SRD5A1: variants seen among roughly 807,000 people sequenced by gnomAD.
SRD5A1 encodes steroid 5 alpha-reductase 1.
Under a neutral mutation model 28.2 loss-of-function variants are expected in SRD5A1, and 22 were observed. That is an observed-to-expected ratio of 0.78 (90% CI 0.56 to 1.12). The LOEUF is 1.12. SRD5A1 is among the 50% of genes most tolerant of loss of function. The pLI, the probability that SRD5A1 is intolerant of heterozygous loss-of-function variation, is 0.00. For synonymous variants in SRD5A1, 151 were observed against 135.0 expected, an observed-to-expected ratio of 1.12 and a Z score of -0.82; for missense variants, 300 against 346.7, an observed-to-expected ratio of 0.87 and a Z score of 1.07.
In SRD5A1 at chr5:6,663,105, A is replaced by G. The variant is rs1739060773; in HGVS notation, c.713+139A>G. ...TGTGCTTTGGCCAAACAAGTACAAA[A>G]CCAAATAGCTGTAGAATCACCCAGC... On this transcript the variant is annotated intron_variant, in intron 4 of 4. Transcript: ENST00000274192. 4 of 1,044,952 alleles carry G rather than the reference A, an allele frequency of 3.8e-6. No homozygotes were observed. In the Admixed American group the frequency reaches 9.8e-5, roughly 26 times the overall value. The allele number at this position is 1,044,952 out of a possible 1,614,324, so 64.7% of individuals were successfully genotyped here. A position where few individuals can be genotyped will look rare whatever the true frequency, so the allele number is the denominator to read the frequency against.
intron 4 of SRD5A1, among the ~76,000 whole-genome samples, chr5:6,663,552 C>T (rs1311441579): frequency 6.6e-6 from 1 of 152,134 alleles, no homozygotes; most frequent in East Asian, 1.9e-4. Context: ...GCCATTTGAC[C>T]AACACACTCA....
rs1738822239 is a variant in SRD5A1 at position 6,656,055 on chromosome 5, ATCT to A, written c.461-21_461-19del. 13 of 1,595,894 alleles carry A rather than the reference ATCT, an allele frequency of 8.1e-6. No homozygotes were observed. The highest frequency in any genetic ancestry group is 1.0e-5 in the Non-Finnish European group (12 of 1,163,518). On this transcript the variant is annotated intron_variant, in intron 2 of 4. Transcript: ENST00000274192. ...ATTTTACGGTTTATTAGCCATAATC[ATCT>A]TGCAATTTTTTTCCTTTAGGTTTTG...
At chr5:6,649,315 G>A (rs568180253) in intron 1 of SRD5A1, among the ~76,000 whole-genome samples, 3 of 152,220 alleles carry the variant, frequency 2.0e-5, no homozygotes, top group East Asian at 3.9e-4. Flanking sequence ...CTGAAGCTGC[G>A]CCCAGAGCCG....
At chr5:6,634,126 A>G (rs897470367) in intron 1 of SRD5A1, among the ~76,000 whole-genome samples, 2 of 152,220 alleles carry the variant, frequency 1.3e-5, no homozygotes, top group Non-Finnish European at 2.9e-5. Flanking sequence ...GGAAAAAAAC[A>G]TGATGAAACT....
intron 1 of SRD5A1, among the ~76,000 whole-genome samples, chr5:6,639,597 TA>T (rs1396359886): frequency 1.3e-5 from 2 of 152,258 alleles, no homozygotes; most frequent in Non-Finnish European, 2.9e-5. Context: ...TGGGTGCTTA[TA>T]GGGCACTTTC....
intron 1 of SRD5A1, among the ~76,000 whole-genome samples, chr5:6,645,778 C>G (rs1173854743): frequency 6.6e-6 from 1 of 152,126 alleles, no homozygotes; most frequent in Admixed American, 6.6e-5. Flanking sequence ...CAGTCTCCAC[C>G]CTGACTCTAT....
rs186931427 is a variant in SRD5A1, at chr5:6,668,296, C to T, written c.*28C>T. 2.9e-6 allele frequency: 4 copies of T among 1,366,954 alleles called. No individual in the cohort carries two copies. The Admixed American group carries it at 7.9e-5, about 27-fold the overall frequency. 84.7% of individuals were successfully genotyped at this position (1,366,954 alleles called of 1,614,324 possible). A position where few individuals can be genotyped will look rare whatever the true frequency, so the allele number is the denominator to read the frequency against. ...GCGTTTTTCATGAAATTATCTTCAA[C>T]TTGAAGCTTTCCAATGGCGCTTCTC... On this transcript the variant is annotated 3_prime_UTR_variant, in exon 5 of 5. Transcript: ENST00000274192.
chr5:6,659,269 A>T (rs940961451), intron 3 of SRD5A1, among the ~76,000 whole-genome samples: 2 of 151,796 alleles, frequency 1.3e-5, no homozygotes, highest in African/African-American at 2.4e-5. Context: ...GCCCGCCACC[A>T]CGCCTGGCTA....
At position 6,656,060 on chromosome 5, in the gene SRD5A1, G is replaced by A. The variant is rs1238069878; in HGVS notation, c.461-18G>A. The A allele has an allele frequency of 6.2e-7, 1 of 1,602,344 alleles. No homozygotes were observed. Among genetic ancestry groups the A allele is most frequent in the South Asian group, 1.1e-5 (1 of 90,892 alleles). On this transcript the variant is annotated intron_variant, in intron 2 of 4. Coordinates refer to ENST00000274192, the MANE Select transcript of SRD5A1 (RefSeq NM_001047.4). ...ACGGTTTATTAGCCATAATCATCTTGCAATTTTTTTCCTTTAGGTTTTGGC... is the reference window on the plus strand; with the variant it reads ...ACGGTTTATTAGCCATAATCATCTTACAATTTTTTTCCTTTAGGTTTTGGC...
chr5:6,652,465 T>C (rs1738707590), intron 2 of SRD5A1, among the ~76,000 whole-genome samples: 1 of 152,228 alleles, frequency 6.6e-6, no homozygotes, highest in South Asian at 2.1e-4. Context: ...ATTTTTTTAT[T>C]TGTATCAGTT....
At chr5:6,647,620 G>A (rs1738545286) in intron 1 of SRD5A1, among the ~76,000 whole-genome samples, 1 of 152,114 alleles carries the variant, frequency 6.6e-6, no homozygotes, top group South Asian at 2.1e-4. Flanking sequence ...CATTTGCTTG[G>A]TAAATATTCC....
intron 1 of SRD5A1, among the ~76,000 whole-genome samples, chr5:6,644,519 C>T (rs1243172028): frequency 6.6e-6 from 1 of 152,186 alleles, no homozygotes; most frequent in Non-Finnish European, 1.5e-5. Context: ...CCCTTTTGCT[C>T]TTTGCCGCAT....
intron 4 of SRD5A1, among the ~76,000 whole-genome samples, chr5:6,664,981 T>G (rs1739119091): frequency 6.6e-6 from 1 of 152,248 alleles, no homozygotes; most frequent in Admixed American, 6.5e-5. Context: ...GGGCCAGGAA[T>G]GGGCCTTCTG....
chr5:6,654,937 G>A (rs1240101079), intron 2 of SRD5A1, among the ~76,000 whole-genome samples: 2 of 152,116 alleles, frequency 1.3e-5, no homozygotes, highest in African/African-American at 4.8e-5. Context: ...TCCCAAAAAG[G>A]TAGCAAATCA....
intron 1 of SRD5A1, among the ~76,000 whole-genome samples, chr5:6,650,624 A>G (rs1316661101): frequency 6.6e-6 from 1 of 152,018 alleles, no homozygotes; most frequent in Non-Finnish European, 1.5e-5. Flanking sequence ...GTGTGGTACA[A>G]CAGAACGTGA....
At chr5:6,664,681 G>C (rs191931535) in intron 4 of SRD5A1, among the ~76,000 whole-genome samples, 1 of 152,328 alleles carries the variant, frequency 6.6e-6, no homozygotes, top group East Asian at 1.9e-4. Context: ...GCTAGGATTC[G>C]AGGCGTGAGC....
In SRD5A1 at chr5:6,633,623, T is replaced by G; in HGVS notation, c.47T>G (p.Leu16Arg). 2.6e-6 allele frequency: 4 copies of G among 1,534,926 alleles called. No individual in the cohort carries two copies. Among genetic ancestry groups the G allele is most frequent in the Non-Finnish European group, 3.5e-6 (4 of 1,148,812 alleles). ...GVAEERLLAA[L>R]AYLQCAVGCA... ...GCGGAGGAGCGCCTGCTGGCCGCGC[T>G]CGCCTACCTGCAGTGCGCCGTGGGC... The change falls in exon 1 of 5, where the codon CTC (leucine) becomes CGC (arginine). Residue 16 changes from leucine to arginine, a missense_variant. Coordinates refer to ENST00000274192, the MANE Select transcript of SRD5A1 (RefSeq NM_001047.4).
chr5:6,665,544 C>T (rs1739144870), intron 4 of SRD5A1, among the ~76,000 whole-genome samples: 1 of 152,230 alleles, frequency 6.6e-6, no homozygotes, highest in African/African-American at 2.4e-5. Context: ...ACTTCCTCCC[C>T]TCTGCGCCCG....
At chr5:6,636,017 T>G (rs1268274178) in intron 1 of SRD5A1, among the ~76,000 whole-genome samples, 1 of 152,130 alleles carries the variant, frequency 6.6e-6, no homozygotes, top group Non-Finnish European at 1.5e-5. Context: ...TACTAATAGT[T>G]TAAAAGCTGC....
Sources: gnomAD v4.1 joint callset for allele counts (sites outside exome capture counted in the v4.1 genomes callset) on GRCh38, gnomAD v4.1.1 for gene constraint, MANE v1.5 for transcripts, NCBI Gene and HGNC (gene_info 2026-07-23, HGNC 2026-07-21) for gene names.